ALPK1: variants seen among roughly 807,000 people sequenced by gnomAD.
ALPK1 encodes the protein alpha kinase 1.
Under a neutral mutation model 120.6 loss-of-function variants are expected in ALPK1, and 110 were observed. The observed-to-expected ratio is 0.91, with a 90% CI of 0.78 to 1.07. ALPK1 has a LOEUF of 1.07. ALPK1 is among the 50% of genes least tolerant of loss of function. The pLI is 0.00. For synonymous variants in ALPK1, 582 were observed against 560.3 expected, an observed-to-expected ratio of 1.04 and a Z score of -0.55; for missense variants, 1,498 against 1,483.9, an observed-to-expected ratio of 1.01 and a Z score of -0.16.
intron 2 of ALPK1, among the ~76,000 whole-genome samples, chr4:112,335,558 G>A (rs1232983104): frequency 6.6e-6 from 1 of 152,190 alleles, no homozygotes; most frequent in Non-Finnish European, 1.5e-5. Context: ...AATGTGGCAG[G>A]ACAGGGACTA....
At position 112,354,906 on chromosome 4, in the gene ALPK1, G is replaced by C. The variant is rs537851736; in HGVS notation, c.-100-22772G>C. On this transcript the variant is annotated intron_variant, in intron 2 of 15. Coordinates refer to ENST00000650871, the MANE Select transcript of ALPK1 (RefSeq NM_025144.4). The stretch of plus-strand genomic sequence containing the variant: ...GGAATGTCTTTATTATTCTTGAACT[G>C]TTTTTCCCTACAAATTTTAAAATCA... Among the ~76,000 whole-genome samples the C allele has an allele frequency of 3.3e-5, 5 of 152,182 alleles. No homozygotes were observed. In the South Asian group the frequency reaches 1.0e-3, roughly 32 times the overall value.
chr4:112,347,188 G>T lies in ALPK1; in HGVS notation c.-100-30490G>T, dbSNP rs111404016. ...TTTTCTGTCATAGAATCAACATTCTGTTAAACTAATGATTTCTGCTTGTCA... is the reference window on the plus strand; with the variant it reads ...TTTTCTGTCATAGAATCAACATTCTTTTAAACTAATGATTTCTGCTTGTCA... On this transcript the variant is annotated intron_variant, in intron 2 of 15. Transcript: ENST00000650871. Among the ~76,000 whole-genome samples the T allele has an allele frequency of 7.5e-3, 1,149 of 152,306 alleles. 17 individuals carry two copies. The highest frequency in any genetic ancestry group is 0.026 in the African/African-American group (1,090 of 41,560).
chr4:112,417,687 C>T (rs550446404), intron 5 of ALPK1, among the ~76,000 whole-genome samples: 3 of 152,252 alleles, frequency 2.0e-5, no homozygotes, highest in East Asian at 3.9e-4. Flanking sequence ...GGTCTCTCTA[C>T]GTTGCCCAGA....
At chr4:112,421,828 T>C (rs1449780890) in intron 5 of ALPK1, among the ~76,000 whole-genome samples, 1 of 152,200 alleles carries the variant, frequency 6.6e-6, no homozygotes, top group Non-Finnish European at 1.5e-5. Flanking sequence ...CATTTTTGGA[T>C]AGAGGATGCA....
chr4:112,434,544 C>G (rs1322702559), intron 11 of ALPK1, among the ~76,000 whole-genome samples: 1 of 152,254 alleles, frequency 6.6e-6, no homozygotes, highest in African/African-American at 2.4e-5. Flanking sequence ...TTGCTTAGCA[C>G]TGTTCTTCCT....
At chr4:112,417,285 A>T (rs1390691873) in intron 5 of ALPK1, among the ~76,000 whole-genome samples, 1 of 152,222 alleles carries the variant, frequency 6.6e-6, no homozygotes, top group African/African-American at 2.4e-5. Flanking sequence ...GTAAAAAAAG[A>T]TGATGACTAA....
In ALPK1 at chr4:112,367,754, A is replaced by G. The variant is rs567279083; in HGVS notation, c.-100-9924A>G. 3.9e-5 allele frequency among the ~76,000 whole-genome samples: 6 copies of G among 152,326 alleles called. No individual in the cohort carries two copies. In the South Asian group the frequency reaches 1.2e-3, roughly 32 times the overall value. On this transcript the variant is annotated intron_variant, in intron 2 of 15. Transcript: ENST00000650871. ...TCTTCCCATCTAAGACTCTGATTAG[A>G]CATATGTTAGACCTTTTCTACAAAT...
chr4:112,359,531 C>T (rs1730814544), intron 2 of ALPK1: 1 of 252,092 alleles, frequency 4.0e-6, no homozygotes, highest in Non-Finnish European at 7.9e-6. Flanking sequence ...CGCCAGGACC[C>T]CAAGAGGAGA....
intron 2 of ALPK1, chr4:112,359,183 G>A (rs1730793418): frequency 1.6e-6 from 1 of 623,170 alleles, no homozygotes; most frequent in Non-Finnish European, 2.9e-6. Context: ...TGTCCCCCAG[G>A]CCACCCCCCA....
intron 11 of ALPK1, among the ~76,000 whole-genome samples, chr4:112,434,407 T>G (rs1647757572): frequency 6.6e-6 from 1 of 152,200 alleles, no homozygotes; most frequent in Non-Finnish European, 1.5e-5. Flanking sequence ...CTCCCACGTA[T>G]CCCATTCATT....
rs1203438297 is a variant in ALPK1 at position 112,377,742 on chromosome 4, C to T, written c.-36C>T. ...TGTCTTCTCCTAGGTAATTGATCACCCTAGACCCAGGGACACCCAATTCAT... is the reference window on the plus strand; with the variant it reads ...TGTCTTCTCCTAGGTAATTGATCACTCTAGACCCAGGGACACCCAATTCAT... On this transcript the variant is annotated 5_prime_UTR_variant, in exon 3 of 16. Coordinates refer to ENST00000650871, the MANE Select transcript of ALPK1 (RefSeq NM_025144.4). The T allele has an allele frequency of 6.3e-7, 1 of 1,586,920 alleles. No individual in the cohort carries two copies. The highest frequency in any genetic ancestry group is 2.3e-5 in the East Asian group (1 of 44,000).
intron 2 of ALPK1, among the ~76,000 whole-genome samples, chr4:112,372,798 T>C (rs1246365775): frequency 6.6e-6 from 1 of 152,168 alleles, no homozygotes; most frequent in Non-Finnish European, 1.5e-5. Context: ...CTGCAGTCTC[T>C]GGTAACCACA....
At chr4:112,306,294 C>T (rs552055135) in intron 1 of ALPK1, among the ~76,000 whole-genome samples, 6 of 150,402 alleles carry the variant, frequency 4.0e-5, no homozygotes, top group Non-Finnish European at 7.4e-5. Flanking sequence ...CCCTCTTTTT[C>T]TATTGATTGG....
At chr4:112,349,173 G>T (rs888373982) in intron 2 of ALPK1, among the ~76,000 whole-genome samples, 1 of 151,874 alleles carries the variant, frequency 6.6e-6, no homozygotes, top group Non-Finnish European at 1.5e-5. Context: ...AATTGAATAT[G>T]GATCCAGATA....
At chr4:112,359,902 A>T (rs1730839353) in intron 2 of ALPK1, 1 of 208,730 alleles carries the variant, frequency 4.8e-6, no homozygotes, top group Non-Finnish European at 9.9e-6. Context: ...CTCACCCAAC[A>T]GAATAGGCCA....
At chr4:112,366,491 C>T (rs1330670432) in intron 2 of ALPK1, among the ~76,000 whole-genome samples, 5 of 152,062 alleles carry the variant, frequency 3.3e-5, no homozygotes, top group Admixed American at 3.3e-4. Flanking sequence ...AAATTTTAGC[C>T]ATTATGTGAT....
intron 7 of ALPK1, 116 bp downstream of exon 7, chr4:112,425,867 T>G (rs1734213403): frequency 2.7e-6 from 2 of 745,558 alleles, no homozygotes; most frequent in Middle Eastern, 5.0e-4. Flanking sequence ...CCACTTGCCT[T>G]AGTTTCCTCA....
chr4:112,356,274 C>T, intron 2 of ALPK1: 5 of 1,183,904 alleles, frequency 4.2e-6, no homozygotes, highest in East Asian at 4.7e-5. Flanking sequence ...ACAGGCAAGA[C>T]GCTGTGCCTC....
At position 112,356,746 on chromosome 4, in the gene ALPK1, A is replaced by T. The variant is rs143056845; in HGVS notation, c.-100-20932A>T. The T allele has an allele frequency of 3.3e-4, 266 of 815,138 alleles. 4 individuals carry two copies. The East Asian group carries it at 7.4e-3, about 23-fold the overall frequency. The allele number at this position is 815,138 out of a possible 1,614,324, so 50.5% of individuals were successfully genotyped here. A position where few individuals can be genotyped will look rare whatever the true frequency, so the allele number is the denominator to read the frequency against. On this transcript the variant is annotated intron_variant, in intron 2 of 15. Transcript: ENST00000650871. ...TCAAGAGGGGAAGCAAGCACGGAGT[A>T]TGCCCTTATTACCTGTCCCGGAACC...
Sources: gnomAD v4.1 joint callset for allele counts (sites outside exome capture counted in the v4.1 genomes callset) on GRCh38, gnomAD v4.1.1 for gene constraint, MANE v1.5 for transcripts, NCBI Gene and HGNC (gene_info 2026-07-23, HGNC 2026-07-21) for gene names.